RABGAP1: variants seen among roughly 807,000 people sequenced by gnomAD.
RABGAP1 encodes the protein rab GTPase-activating protein 1.
Under a neutral mutation model 137.6 loss-of-function variants are expected in RABGAP1, and 23 were observed. The ratio of observed to expected loss-of-function variants is 0.17; its 90% CI spans 0.12 to 0.24. The LOEUF (loss-of-function observed/expected upper bound fraction) is 0.24. RABGAP1 is among the 10% of genes least tolerant of loss of function. The pLI is 1.00. For missense variants in RABGAP1, 906 were observed against 1,275.8 expected (o/e 0.71, Z 4.42); for synonymous variants, 451 against 450.7 (o/e 1.00, Z -0.01).
intron 23 of RABGAP1, 81 bp downstream of exon 23, chr9:123,098,879 C>G: frequency 1.4e-6 from 1 of 711,508 alleles, no homozygotes; most frequent in Non-Finnish European, 2.2e-6. Context: ...CCCCCCACCC[C>G]CAAACCCAAA....
intron 1 of RABGAP1, among the ~76,000 whole-genome samples, chr9:122,951,973 C>CA (rs1455406440): frequency 6.6e-6 from 1 of 152,092 alleles, no homozygotes; most frequent in African/African-American, 2.4e-5. Flanking sequence ...TGACTGTAGG[C>CA]AAAAAGTTCA....
At chr9:123,056,700 T>C (rs1248223457) in intron 13 of RABGAP1, among the ~76,000 whole-genome samples, 1 of 152,042 alleles carries the variant, frequency 6.6e-6, no homozygotes, top group Admixed American at 6.5e-5. Flanking sequence ...GCATGCTGCC[T>C]TCAAGCATCT....
At chr9:122,961,082 AAG>A (rs1389938051) in intron 2 of RABGAP1, among the ~76,000 whole-genome samples, 4 of 152,196 alleles carry the variant, frequency 2.6e-5, no homozygotes, top group Non-Finnish European at 4.4e-5. Flanking sequence ...GGAGAGGAGA[AAG>A]AGAAATGACT....
chr9:122,941,478 C>T (rs921456270), intron 1 of RABGAP1, among the ~76,000 whole-genome samples: 7 of 152,222 alleles, frequency 4.6e-5, no homozygotes, highest in African/African-American at 1.7e-4. Context: ...CAGCCGCTCC[C>T]CCCCGCCTCA....
chr9:123,101,581 T>G lies in RABGAP1; in HGVS notation c.2905T>G (p.Cys969Gly). The G allele has an allele frequency of 2.5e-6, 4 of 1,614,002 alleles. No individual in the cohort carries two copies. Among genetic ancestry groups the G allele is most frequent in the Non-Finnish European group, 1.7e-6 (2 of 1,179,942 alleles). ...IEKIRQKVDD[C>G]ERCREFFNKE... ...TCAATTTCAGCAAAAAGTGGATGAC[T>G]GTGAGCGGTGCCGGGAATTTTTCAA... The change falls in exon 25 of 26, where the codon TGT (cysteine) becomes GGT (glycine). Residue 969 changes from cysteine (C) to glycine (G), a missense_variant. Transcript: ENST00000373647.
chr9:122,958,646 C>T (rs1488907667), intron 2 of RABGAP1, among the ~76,000 whole-genome samples: 1 of 151,976 alleles, frequency 6.6e-6, no homozygotes. Context: ...ACATATGTAA[C>T]AAACCTGCAC....
At position 123,029,598 on chromosome 9, in the gene RABGAP1, C is replaced by G. The variant is rs562374646; in HGVS notation, c.1794+9139C>G. On this transcript the variant is annotated intron_variant, in intron 13 of 25. Transcript: ENST00000373647. ...TCCTTACAGAGTTTGTCATATGTAG[C>G]TTTGTCAAACAAGACAAGGTATTGA... 197 of 744,536 alleles carry G rather than the reference C, an allele frequency of 2.6e-4. No individual in the cohort carries two copies. The African/African-American group carries it at 3.3e-3, about 12-fold the overall frequency. 46.1% of individuals were successfully genotyped at this position (744,536 alleles called of 1,614,324 possible).
At chr9:123,054,808 A>G (rs1055880679) in intron 13 of RABGAP1, among the ~76,000 whole-genome samples, 1 of 152,084 alleles carries the variant, frequency 6.6e-6, no homozygotes, top group African/African-American at 2.4e-5. Context: ...CTCAAGTGAA[A>G]TTTGTCTGAT....
intron 1 of RABGAP1, among the ~76,000 whole-genome samples, chr9:122,944,737 A>AT (rs796707171): frequency 0.044 from 6,424 of 144,774 alleles, 393 homozygotes; most frequent in African/African-American, 0.15. Context: ...CACCCAGATA[A>AT]TTTTTTTTTT....
chr9:122,933,353 A>C, the RABGAP1 span, among the ~76,000 whole-genome samples: 1 of 151,716 alleles, frequency 6.6e-6, no homozygotes, highest in African/African-American at 2.4e-5. Flanking sequence ...AACCTTTTCA[A>C]ATTTTAAAAT....
rs370525807 is a variant in RABGAP1, at chr9:123,085,606, T to C, written c.2425-4152T>C. 2.2e-4 allele frequency among the ~76,000 whole-genome samples: 34 copies of C among 152,354 alleles called. No individual in the cohort carries two copies. In the East Asian group the frequency reaches 5.0e-3, roughly 22 times the overall value. ...TCCAAAGCCTTCTGATAGGAATCAG[T>C]GAACAGCGGGTATGATTCAGAGCTC... On this transcript the variant is annotated intron_variant, in intron 19 of 25. Coordinates refer to ENST00000373647, the MANE Select transcript of RABGAP1 (RefSeq NM_012197.4).
At chr9:122,934,826 A>C in the RABGAP1 span, among the ~76,000 whole-genome samples, 7 of 152,150 alleles carry the variant, frequency 4.6e-5, no homozygotes, top group African/African-American at 1.7e-4. Context: ...GACCACAGGC[A>C]TGCGGTCCCA....
At chr9:122,974,605 A>G (rs559117438) in intron 2 of RABGAP1, among the ~76,000 whole-genome samples, 22 of 152,110 alleles carry the variant, frequency 1.4e-4, no homozygotes, top group African/African-American at 5.1e-4. Flanking sequence ...CAGCCTAGGT[A>G]ACATGATGGG....
chr9:122,973,977 A>T (rs1023803020), intron 2 of RABGAP1, among the ~76,000 whole-genome samples: 1 of 151,918 alleles, frequency 6.6e-6, no homozygotes, highest in Admixed American at 6.6e-5. Context: ...ACTGCACTCC[A>T]GCCTGGGCGA....
chr9:123,074,324 A>G lies in RABGAP1; in HGVS notation c.2149A>G (p.Ser717Gly). Residue 717 changes from serine to glycine, a missense_variant, in exon 17 of 26, where the codon AGC becomes GGC. Physicochemically the swap from Ser to Gly is moderately conservative, Grantham distance 56. Coordinates refer to ENST00000373647, the MANE Select transcript of RABGAP1 (RefSeq NM_012197.4). ...PDLYNHFLDI[S>G]LEAHMYASQW... Reference sequence around the variant, plus strand: ...CCTGTACAACCACTTCCTGGATATAAGCCTTGAAGCACACATGTATGCCTC... The same window carrying G: ...CCTGTACAACCACTTCCTGGATATAGGCCTTGAAGCACACATGTATGCCTC... The G allele has an allele frequency of 6.2e-7, 1 of 1,613,838 alleles. No individual in the cohort carries two copies. Among genetic ancestry groups the G allele is most frequent in the Non-Finnish European group, 8.5e-7 (1 of 1,179,806 alleles).
chr9:122,979,239 T>G (rs1835927857), intron 2 of RABGAP1, among the ~76,000 whole-genome samples: 1 of 152,206 alleles, frequency 6.6e-6, no homozygotes, highest in Non-Finnish European at 1.5e-5. Flanking sequence ...CCTATTATAA[T>G]TTCTATTTCC....
At chr9:122,954,263 A>G (rs906635768) in intron 1 of RABGAP1, among the ~76,000 whole-genome samples, 1 of 152,042 alleles carries the variant, frequency 6.6e-6, no homozygotes, top group African/African-American at 2.4e-5. Flanking sequence ...GGGTGGTTTT[A>G]TCTATGTTTG....
chr9:123,070,441 C>G lies in RABGAP1; in HGVS notation c.1983+17C>G. The stretch of plus-strand genomic sequence containing the variant: ...CTTCTCCATGTGAGTAATTAGGTCT[C>G]TGTTATGACTTAACACATGGCCTCC... On this transcript the variant is annotated intron_variant, in intron 15 of 25. Transcript: ENST00000373647. The surrounding 1 kb of genome is among the most constrained non-coding windows in gnomAD (Gnocchi z 4.4). The G allele has an allele frequency of 1.2e-6, 2 of 1,613,988 alleles. No individual in the cohort carries two copies. Among genetic ancestry groups the G allele is most frequent in the Admixed American group, 1.7e-5 (1 of 60,004 alleles).
intron 13 of RABGAP1, among the ~76,000 whole-genome samples, chr9:123,040,679 C>T (rs1223075096): frequency 6.6e-6 from 1 of 151,992 alleles, no homozygotes; most frequent in African/African-American, 2.4e-5. Flanking sequence ...TTTTATTATT[C>T]AAAACACATC....
Sources: allele counts gnomAD v4.1 joint callset (sites outside exome capture counted in the v4.1 genomes callset), GRCh38; gene constraint gnomAD v4.1.1; non-coding constraint Gnocchi (gnomAD v3.1); transcripts MANE v1.5; gene names NCBI Gene and HGNC (gene_info 2026-07-23, HGNC 2026-07-21).